Variants in ALG13 observed in about 807,000 individuals in gnomAD.
ALG13 encodes UDP-N-acetylglucosamine transferase subunit ALG13.
Under a neutral mutation model 87.8 loss-of-function variants are expected in ALG13, and 11 were observed. The ratio of observed to expected loss-of-function variants is 0.13; its 90% CI spans 0.08 to 0.21. The LOEUF (loss-of-function observed/expected upper bound fraction) is 0.21. Ranked by LOEUF, ALG13 falls within the 10% of genes least tolerant of loss-of-function variation. ALG13 has a pLI of 1.00. For synonymous variants in ALG13, 320 were observed against 306.3 expected, an observed-to-expected ratio of 1.04 and a Z score of -0.47; for missense variants, 756 against 866.1, an observed-to-expected ratio of 0.87 and a Z score of 1.60.
At chrX:111,698,429 G>A (rs974800351) in intron 3 of ALG13, among the ~76,000 whole-genome samples, 1 of 110,784 alleles carries the variant, frequency 9.0e-6, no homozygotes, top group Non-Finnish European at 1.9e-5. Flanking sequence ...TGACTGTAGC[G>A]ACTCTGCTGT....
intron 3 of ALG13, among the ~76,000 whole-genome samples, chrX:111,699,692 A>G (rs1005746992): frequency 9.0e-6 from 1 of 111,362 alleles, no homozygotes; most frequent in African/African-American, 3.3e-5. Context: ...AATTGACCAT[A>G]AATGTTTAGG....
At chrX:111,729,661 T>C in intron 19 of ALG13, among the ~76,000 whole-genome samples, 1 of 111,838 alleles carries the variant, frequency 8.9e-6, no homozygotes. Flanking sequence ...AAATTTAGTT[T>C]AGAACTGCGG....
Position 111,685,934 on chromosome X carries a change from G to A in ALG13, c.383+831G>A, listed in dbSNP as rs146299985. On this transcript the variant is annotated intron_variant, in intron 3 of 26. Transcript: ENST00000394780. ...TGTTGCAGGAGCATAGTGAGCAAGG[G>A]AATATAATAGAAGATGAAGTTGGGT... 0.078 allele frequency among the ~76,000 whole-genome samples: 8,727 copies of A among 111,524 alleles called. 866 individuals carry two copies. The highest frequency in any genetic ancestry group is 0.27 in the African/African-American group (8,164 of 30,442).
At chrX:111,716,118 ATTTTAT>A (rs1940559319) in intron 8 of ALG13, among the ~76,000 whole-genome samples, 1 of 111,846 alleles carries the variant, frequency 8.9e-6, no homozygotes, top group African/African-American at 3.2e-5. Flanking sequence ...TTTCTGTATC[ATTTTAT>A]TTGTGTTTGT....
chrX:111,714,641 T>A (rs956214690), intron 8 of ALG13, among the ~76,000 whole-genome samples: 19 of 111,641 alleles, frequency 1.7e-4, no homozygotes, highest in African/African-American at 5.9e-4. Context: ...ATTATGATGT[T>A]CAAACATACA....
chrX:111,706,675 T>A (rs1217730727), intron 3 of ALG13: 2 of 110,931 alleles, frequency 1.8e-5, no homozygotes, highest in African/African-American at 3.3e-5. Context: ...AGGAGGATTG[T>A]TTGAGCCCAG....
chrX:111,690,470 A>G (rs1935934955), intron 3 of ALG13: 1 of 624,423 alleles, frequency 1.6e-6, no homozygotes, highest in African/African-American at 2.5e-5. Flanking sequence ...TTGGGAGGAA[A>G]GAAAGCTCAA....
intron 3 of ALG13, among the ~76,000 whole-genome samples, chrX:111,700,152 G>A (rs2147909364): frequency 1.0e-5 from 1 of 100,281 alleles, no homozygotes; most frequent in African/African-American, 3.7e-5. Context: ...TATTGCTATT[G>A]TAAATGGGAT....
At chrX:111,751,567 C>T (rs1305052145) in intron 24 of ALG13, among the ~76,000 whole-genome samples, 1 of 111,539 alleles carries the variant, frequency 9.0e-6, no homozygotes, top group Non-Finnish European at 1.9e-5. Context: ...CTGCTACGTG[C>T]GTTTGTGTAT....
chrX:111,686,332 G>C (rs540103659), intron 3 of ALG13, among the ~76,000 whole-genome samples: 1 of 111,963 alleles, frequency 8.9e-6, no homozygotes, highest in Non-Finnish European at 1.9e-5. Flanking sequence ...AGAAGAAACT[G>C]GCTGGAGCAT....
intron 5 of ALG13, 113 bp from the exon 6 acceptor site, chrX:111,711,562 T>TA: frequency 1.6e-5 from 10 of 637,892 alleles, no homozygotes; most frequent in Middle Eastern, 3.2e-4. Flanking sequence ...AGTAGATACT[T>TA]ACACCATAAT....
At chrX:111,737,824 G>A (rs1458348642) in intron 23 of ALG13, among the ~76,000 whole-genome samples, 1 of 112,419 alleles carries the variant, frequency 8.9e-6, no homozygotes, top group Non-Finnish European at 1.9e-5. Flanking sequence ...GACTTGAAGG[G>A]CTTAGAACAG....
intron 25 of ALG13, among the ~76,000 whole-genome samples, chrX:111,756,552 G>A (rs905566189): frequency 1.8e-5 from 2 of 111,808 alleles, no homozygotes; most frequent in Admixed American, 9.5e-5. Context: ...GTGTCTCCGA[G>A]TTGAGGTGAG....
chrX:111,715,736 A>G (rs1287942738), intron 8 of ALG13, among the ~76,000 whole-genome samples: 2 of 112,272 alleles, frequency 1.8e-5, no homozygotes, highest in Non-Finnish European at 3.8e-5. Flanking sequence ...ATAAATAAAA[A>G]TGATTGTATT....
At chrX:111,709,835 A>C (rs1164335865) in intron 5 of ALG13, among the ~76,000 whole-genome samples, 1 of 111,063 alleles carries the variant, frequency 9.0e-6, no homozygotes, top group Non-Finnish European at 1.9e-5. Flanking sequence ...TCTTGACTTA[A>C]AAGCTTGTTA....
chrX:111,684,712 C>T (rs887448738), intron 2 of ALG13, among the ~76,000 whole-genome samples: 7 of 112,022 alleles, frequency 6.2e-5, no homozygotes, highest in Non-Finnish European at 1.3e-4. Context: ...GAGCAAGTAG[C>T]ATAGCACTGA....
intron 3 of ALG13, among the ~76,000 whole-genome samples, chrX:111,695,371 A>G (rs2147854983): frequency 9.0e-6 from 1 of 110,735 alleles, no homozygotes; most frequent in East Asian, 2.9e-4. Flanking sequence ...TAAAAATACA[A>G]AACTAGCCCG....
chrX:111,688,993 A>T (rs1172623818), intron 3 of ALG13: 6 of 740,093 alleles, frequency 8.1e-6, no homozygotes, highest in Non-Finnish European at 9.6e-6. Flanking sequence ...TTCCAATCAT[A>T]TTATCCCAAC....
rs769458755 is a variant in ALG13, at chrX:111,688,235, T to C, written c.383+3132T>C. On this transcript the variant is annotated intron_variant, in intron 3 of 26. Transcript: ENST00000394780. ...CTAATCTTCAGTATGTAGTGAGCAT[T>C]CACAGGTTTTCTCCTAGAATCTCAA... 29 of 772,508 alleles carry C rather than the reference T, an allele frequency of 3.8e-5. No homozygotes were observed. In the African/African-American group the frequency reaches 6.6e-4, roughly 18 times the overall value. 63.7% of individuals were successfully genotyped at this position (772,508 alleles called of 1,213,427 possible).
Sources: allele counts gnomAD v4.1 joint callset (sites outside exome capture counted in the v4.1 genomes callset), GRCh38; gene constraint gnomAD v4.1.1; transcripts MANE v1.5; gene names NCBI Gene and HGNC (gene_info 2026-07-23, HGNC 2026-07-21).